The following METTL25 variants were observed in gnomAD, a reference collection of about 807,000 sequenced individuals.
METTL25 encodes probable methyltransferase-like protein 25.
In METTL25, 64 loss-of-function variants were observed where a neutral mutation model predicts 71.6. The ratio of observed to expected loss-of-function variants is 0.89; its 90% confidence interval spans 0.73 to 1.10. The LOEUF (loss-of-function observed/expected upper bound fraction) is 1.10, where lower values mean the gene tolerates loss of function less well. Ranked by LOEUF, METTL25 falls within the 50% of genes least tolerant of loss-of-function variation. The probability of loss-of-function intolerance (pLI) is 0.00; values close to 1 mark genes in which losing one functional copy is unlikely to be tolerated. For synonymous variants in METTL25, 287 were observed against 250.3 expected (o/e 1.15, Z -1.38); for missense variants, 807 against 707.0 (o/e 1.14, Z -1.60).
chr12:82,395,581 T>C (rs541548379), intron 3 of METTL25, among the ~76,000 whole-genome samples: 20 of 151,976 alleles, frequency 1.3e-4, no homozygotes, highest in Non-Finnish European at 2.8e-4. Context: ...GGTAGTTAGA[T>C]CTCTAGGTCT....
At chr12:82,414,319 T>C (rs1887791262) in intron 5 of METTL25, among the ~76,000 whole-genome samples, 1 of 152,226 alleles carries the variant, frequency 6.6e-6, no homozygotes, top group Admixed American at 6.6e-5. Context: ...TACCTCACTC[T>C]GACAGCTGTA....
At chr12:82,398,396 C>T (rs1886270358) in intron 3 of METTL25, among the ~76,000 whole-genome samples, 1 of 151,542 alleles carries the variant, frequency 6.6e-6, no homozygotes, top group African/African-American at 2.4e-5. Flanking sequence ...TTGTTTTTTG[C>T]TACTATATTA....
chr12:82,386,238 G>A (rs918391340), intron 1 of METTL25, among the ~76,000 whole-genome samples: 1 of 152,154 alleles, frequency 6.6e-6, no homozygotes, highest in South Asian at 2.1e-4. Context: ...AAATGATGCA[G>A]GAACTGTTTT....
chr12:82,373,871 C>T (rs751340542), intron 1 of METTL25, among the ~76,000 whole-genome samples: 7 of 152,138 alleles, frequency 4.6e-5, no homozygotes, highest in South Asian at 2.1e-4. Context: ...TCATGCTAGT[C>T]GCTTTTAACT....
intron 9 of METTL25, among the ~76,000 whole-genome samples, chr12:82,470,176 G>T (rs1324781183): frequency 6.6e-6 from 1 of 152,148 alleles, no homozygotes; most frequent in African/African-American, 2.4e-5. Context: ...TTATTTGAAA[G>T]AAATTCATGA....
chr12:82,381,781 G>A (rs918052442), intron 1 of METTL25, among the ~76,000 whole-genome samples: 2 of 152,206 alleles, frequency 1.3e-5, no homozygotes, highest in African/African-American at 2.4e-5. Context: ...AAATGTTTAA[G>A]TTTGCATTGA....
intron 1 of METTL25, among the ~76,000 whole-genome samples, chr12:82,378,283 C>CTA (rs1884084537): frequency 6.6e-6 from 1 of 152,138 alleles, no homozygotes; most frequent in African/African-American, 2.4e-5. Context: ...TGTTTATTTT[C>CTA]TATACAGCAA....
chr12:82,473,860 C>G (rs1028880381), intron 9 of METTL25, among the ~76,000 whole-genome samples: 1 of 152,142 alleles, frequency 6.6e-6, no homozygotes, highest in Non-Finnish European at 1.5e-5. Context: ...ATCCTGGACC[C>G]AGGCCCCATG....
intron 1 of METTL25, among the ~76,000 whole-genome samples, chr12:82,368,617 T>C (rs1322227583): frequency 1.3e-5 from 2 of 152,226 alleles, no homozygotes; most frequent in Non-Finnish European, 1.5e-5. Flanking sequence ...TGTTTCACCT[T>C]CTCAAAGGAG....
intron 8 of METTL25, among the ~76,000 whole-genome samples, chr12:82,454,519 A>G (rs958783638): frequency 1.3e-5 from 2 of 152,066 alleles, no homozygotes; most frequent in African/African-American, 4.8e-5. Context: ...CTGAAATAAT[A>G]CAGATTAACA....
At chr12:82,468,726 T>G (rs1289102808) in intron 9 of METTL25, 6 of 152,308 alleles carry the variant, frequency 3.9e-5, no homozygotes, top group Non-Finnish European at 7.3e-5. Context: ...AATGCCTTCT[T>G]AACTATAGAA....
In METTL25 at chr12:82,358,792, C is replaced by T; in HGVS notation, c.227C>T (p.Thr76Met). The part of the protein sequence containing the change: ...ASETEALPSE[T>M]RPLVEAEWEA... ...GAGACGGAGGCCCTGCCCTCAGAGA[C>T]GCGCCCCCTAGTGGAAGCAGAGTGG... Residue 76 changes from threonine to methionine, a missense_variant, in exon 1 of 12, where the codon ACG becomes ATG. By Grantham distance (81) the Thr-to-Met change is moderately conservative. Transcript: ENST00000248306. 1 of 1,613,284 alleles carries T rather than the reference C, an allele frequency of 6.2e-7. No individual in the cohort carries two copies. Among genetic ancestry groups the T allele is most frequent in the Non-Finnish European group, 8.5e-7 (1 of 1,179,734 alleles).
intron 9 of METTL25, among the ~76,000 whole-genome samples, chr12:82,459,482 G>T (rs1216031013): frequency 6.6e-6 from 1 of 152,024 alleles, no homozygotes; most frequent in Non-Finnish European, 1.5e-5. Flanking sequence ...TCAGAAATTA[G>T]ATAGTGTGGT....
At chr12:82,371,572 G>A (rs1249092212) in intron 1 of METTL25, among the ~76,000 whole-genome samples, 2 of 152,104 alleles carry the variant, frequency 1.3e-5, no homozygotes, top group African/African-American at 2.4e-5. Context: ...GTCTAATCTC[G>A]TTTTTCCTTT....
chr12:82,450,363 T>C (rs985169788), intron 8 of METTL25, among the ~76,000 whole-genome samples: 1 of 152,250 alleles, frequency 6.6e-6, no homozygotes, highest in East Asian at 1.9e-4. Flanking sequence ...GGTTCAATCT[T>C]TCAGCAACTT....
At chr12:82,477,885 T>C (rs1032271243) in intron 11 of METTL25, among the ~76,000 whole-genome samples, 5 of 151,848 alleles carry the variant, frequency 3.3e-5, no homozygotes, top group African/African-American at 9.7e-5. Flanking sequence ...TTATGAGCTA[T>C]GCTCAAAATA....
chr12:82,477,534 A>G (rs1327046951), intron 11 of METTL25, among the ~76,000 whole-genome samples, 182 bp downstream of exon 11: 2 of 151,794 alleles, frequency 1.3e-5, no homozygotes, highest in South Asian at 2.1e-4. Context: ...TGTACAACAG[A>G]TGTTTTCAGC....
chr12:82,408,408 C>T (rs1031007934), intron 5 of METTL25, among the ~76,000 whole-genome samples: 1 of 151,526 alleles, frequency 6.6e-6, no homozygotes, highest in African/African-American at 2.4e-5. Flanking sequence ...AGAGCAAAAA[C>T]CTGGGGAAAA....
intron 9 of METTL25, among the ~76,000 whole-genome samples, chr12:82,458,139 A>T (rs767500429): frequency 1.2e-4 from 19 of 152,082 alleles, no homozygotes; most frequent in Non-Finnish European, 2.4e-4. Flanking sequence ...ATGTTTATTA[A>T]TATATTTATT....
Sources: gnomAD v4.1 joint callset for allele counts (sites outside exome capture counted in the v4.1 genomes callset) on GRCh38, gnomAD v4.1.1 for gene constraint, MANE v1.5 for transcripts, NCBI Gene and HGNC (gene_info 2026-07-23, HGNC 2026-07-21) for gene names.